TLN2: variants seen among roughly 807,000 people sequenced by gnomAD.
The protein encoded by TLN2 is talin-2.
A neutral mutation model predicts 294.7 loss-of-function variants in TLN2; 118 were observed. That is an observed-to-expected ratio of 0.40 (90% CI 0.34 to 0.47). TLN2 has a LOEUF of 0.47. Among genes scored for constraint, TLN2 ranks in the 20% least tolerant of loss-of-function variants. TLN2 has a pLI of 0.84. For synonymous variants in TLN2, 1,431 were observed against 1,304.5 expected (o/e 1.10, Z -2.09); for missense variants, 3,083 against 3,282.2 (o/e 0.94, Z 1.48).
At chr15:62,485,130 T>C (rs993409847) in intron 1 of TLN2, among the ~76,000 whole-genome samples, 1 of 152,182 alleles carries the variant, frequency 6.6e-6, no homozygotes. Flanking sequence ...GGACCACAAC[T>C]GGGAAAGGTT....
At chr15:62,562,245 T>C (rs1194777193) in intron 1 of TLN2, among the ~76,000 whole-genome samples, 1 of 152,230 alleles carries the variant, frequency 6.6e-6, no homozygotes, top group Non-Finnish European at 1.5e-5. Flanking sequence ...CCATTTTGGT[T>C]TGTTTTTACC....
At chr15:62,810,766 C>T (rs2066627114) in intron 52 of TLN2, among the ~76,000 whole-genome samples, 1 of 152,174 alleles carries the variant, frequency 6.6e-6, no homozygotes, top group African/African-American at 2.4e-5. Flanking sequence ...ATGTTTAGAA[C>T]CATGTAAGGT....
chr15:62,591,016 A>G (rs1040178954), intron 2 of TLN2, among the ~76,000 whole-genome samples: 2 of 151,310 alleles, frequency 1.3e-5, no homozygotes, highest in East Asian at 1.9e-4. Flanking sequence ...AAAGTTGATG[A>G]TTAAAGCTGG....
intron 11 of TLN2, among the ~76,000 whole-genome samples, chr15:62,681,178 T>C (rs1295166047): frequency 6.6e-6 from 1 of 152,224 alleles, no homozygotes; most frequent in East Asian, 1.9e-4. Flanking sequence ...GAGGTTGTAC[T>C]AATTGGGACA....
intron 1 of TLN2, among the ~76,000 whole-genome samples, chr15:62,532,737 A>G (rs1025244956): frequency 6.6e-6 from 1 of 152,098 alleles, no homozygotes; most frequent in Admixed American, 6.5e-5. Flanking sequence ...GGCCTCAGCT[A>G]TAGTGTTTTA....
At chr15:62,810,758 G>A (rs1377268397) in intron 52 of TLN2, among the ~76,000 whole-genome samples, 2 of 152,194 alleles carry the variant, frequency 1.3e-5, no homozygotes, top group African/African-American at 4.8e-5. Flanking sequence ...CAGGAGCCAT[G>A]TTTAGAACCA....
chr15:62,566,530 C>T lies in TLN2; in HGVS notation c.-237-23157C>T, dbSNP rs529180767. Among the ~76,000 whole-genome samples, 36 of 151,786 alleles carry T rather than the reference C, an allele frequency of 2.4e-4. 1 individual carries two copies. Among genetic ancestry groups the T allele is most frequent in the South Asian group, 1.0e-3 (5 of 4,790 alleles). On this transcript the variant is annotated intron_variant, in intron 1 of 58. Coordinates refer to ENST00000636159, the MANE Select transcript of TLN2 (RefSeq NM_015059.3). ...CATGGGGTATAGGGGAACTGGATGA[C>T]CAGGCTTAGGAGGGAAGTGAGCACA...
At chr15:62,450,222 C>T (rs2036026868) in intron 1 of TLN2, among the ~76,000 whole-genome samples, 2 of 152,126 alleles carry the variant, frequency 1.3e-5, no homozygotes, top group Admixed American at 1.3e-4. Context: ...TCCCACCAAC[C>T]ACTAGATCCT....
At chr15:62,637,578 CA>C in intron 3 of TLN2, 1 of 152,234 alleles carries the variant, frequency 6.6e-6, no homozygotes. Context: ...AGGGGGGTGC[CA>C]AAAAATGCAA....
Position 62,750,421 on chromosome 15 carries a change from A to T in TLN2, c.4139A>T (p.Asp1380Val). The stretch of plus-strand genomic sequence containing the variant: ...CTGTAGACTGTGAAGGGGATGTTGG[A>T]CAATCCTAATGAACCTGTTAGTGAC... ...RELETVKGMLDNPNEPVSDLS... is the reference protein window; with the variant it reads ...RELETVKGMLVNPNEPVSDLS... Residue 1380 changes from aspartate (D) to valine (V), a missense_variant, in exon 34 of 59, where the codon GAC (aspartate) becomes GTC (valine). Physicochemically the swap from Asp to Val is radical, Grantham distance 152. Transcript: ENST00000636159. The T allele has an allele frequency of 6.2e-7, 1 of 1,614,168 alleles. No homozygotes were observed. Among genetic ancestry groups the T allele is most frequent in the Non-Finnish European group, 8.5e-7 (1 of 1,180,018 alleles).
chr15:62,483,140 G>A (rs1199614035), intron 1 of TLN2, among the ~76,000 whole-genome samples: 1 of 152,112 alleles, frequency 6.6e-6, no homozygotes, highest in Non-Finnish European at 1.5e-5. Context: ...GCATTAGCTG[G>A]GATCTCTTAG....
At chr15:62,497,796 G>C (rs1353117016) in intron 1 of TLN2, among the ~76,000 whole-genome samples, 3 of 152,112 alleles carry the variant, frequency 2.0e-5, no homozygotes, top group Non-Finnish European at 2.9e-5. Flanking sequence ...ATGATTTCCA[G>C]TGCTTGTCTG....
intron 3 of TLN2, chr15:62,640,408 G>C (rs1318978077): frequency 1.1e-5 from 5 of 454,318 alleles, no homozygotes; most frequent in Non-Finnish European, 2.2e-5. Context: ...TCTTACTCTT[G>C]TAGACCTCCA....
intron 1 of TLN2, among the ~76,000 whole-genome samples, chr15:62,428,900 A>G (rs1021262112): frequency 6.6e-6 from 1 of 152,188 alleles, no homozygotes; most frequent in South Asian, 2.1e-4. Flanking sequence ...ACTGATCTTC[A>G]AGAATCACCT....
chr15:62,589,817 T>C lies in TLN2; in HGVS notation c.-162+55T>C, dbSNP rs2045942093. ...TTATCAATTGGCCAATCCCCTGCAT[T>C]GGTATAGTTTTGTAAAGTGTTAAAA... is the stretch of plus-strand genomic sequence containing the variant. On this transcript the variant is annotated intron_variant, in intron 2 of 58. Coordinates refer to ENST00000636159, the MANE Select transcript of TLN2 (RefSeq NM_015059.3). 3 of 152,154 alleles carry C rather than the reference T, an allele frequency of 2.0e-5. No individual in the cohort carries two copies. In the South Asian group the frequency reaches 6.2e-4, roughly 32 times the overall value. 9.4% of individuals were successfully genotyped at this position (152,154 alleles called of 1,614,324 possible).
At chr15:62,506,068 A>G (rs2039603744) in intron 1 of TLN2, among the ~76,000 whole-genome samples, 1 of 152,214 alleles carries the variant, frequency 6.6e-6, no homozygotes, top group African/African-American at 2.4e-5. Context: ...AAGACTCATA[A>G]AGATCTGGCC....
At chr15:62,447,300 A>G (rs1054001456) in intron 1 of TLN2, among the ~76,000 whole-genome samples, 2 of 151,974 alleles carry the variant, frequency 1.3e-5, no homozygotes, top group Non-Finnish European at 2.9e-5. Flanking sequence ...GGCCAAGGAA[A>G]GTTTTACGAG....
At position 62,771,146 on chromosome 15, in the gene TLN2, G is replaced by T; in HGVS notation, c.5367+12G>T. 1 of 1,596,880 alleles carries T rather than the reference G, an allele frequency of 6.3e-7. No homozygotes were observed. On this transcript the variant is annotated intron_variant, in intron 42 of 58. Coordinates refer to ENST00000636159, the MANE Select transcript of TLN2 (RefSeq NM_015059.3). ...GCGGAAACCCCAAGGTATGGTCCAG[G>T]ATATCGGGGACTCACTTAGGACCAC... is the stretch of plus-strand genomic sequence containing the variant.
chr15:62,465,548 G>C (rs2037085212), intron 1 of TLN2, among the ~76,000 whole-genome samples: 1 of 152,228 alleles, frequency 6.6e-6, no homozygotes, highest in Non-Finnish European at 1.5e-5. Context: ...GAGGGGTTTA[G>C]CCTCTCAGCT....
Sources: gnomAD v4.1 joint callset for allele counts (sites outside exome capture counted in the v4.1 genomes callset) on GRCh38, gnomAD v4.1.1 for gene constraint, MANE v1.5 for transcripts, NCBI Gene and HGNC (gene_info 2026-07-23, HGNC 2026-07-21) for gene names.